CDC42SE2: variants seen among roughly 807,000 people sequenced by gnomAD.
The protein encoded by CDC42SE2 is CDC42 small effector protein 2.
CDC42SE2 carries 3 observed loss-of-function variants against 11.5 expected under a neutral mutation model. The ratio of observed to expected loss-of-function variants is 0.26; its 90% CI spans 0.12 to 0.67. CDC42SE2 has a LOEUF of 0.67. CDC42SE2 is among the 30% of genes least tolerant of loss of function. The probability of loss-of-function intolerance (pLI) is 0.80; values close to 1 mark genes in which losing one functional copy is unlikely to be tolerated. For synonymous variants in CDC42SE2, 33 were observed against 34.8 expected (o/e 0.95, Z 0.18); for missense variants, 82 against 106.8 (o/e 0.77, Z 1.02).
intron 1 of CDC42SE2, among the ~76,000 whole-genome samples, chr5:131,274,286 AT>A (rs1757056139): frequency 1.3e-5 from 2 of 152,104 alleles, no homozygotes; most frequent in Admixed American, 6.6e-5. Flanking sequence ...ATCCTATTAA[AT>A]GTCAACTCCA....
intron 2 of CDC42SE2, among the ~76,000 whole-genome samples, chr5:131,338,715 G>C (rs1484401185): frequency 2.6e-5 from 4 of 152,204 alleles, no homozygotes; most frequent in Non-Finnish European, 4.4e-5. Flanking sequence ...TAGAGATACT[G>C]AGCGGAGGGA....
intron 1 of CDC42SE2, among the ~76,000 whole-genome samples, chr5:131,312,525 G>T (rs572293610): frequency 1.3e-5 from 2 of 152,294 alleles, no homozygotes; most frequent in South Asian, 4.2e-4. Context: ...AATGGTGGGT[G>T]CCCCTCCCCC....
At position 131,392,687 on chromosome 5, in the gene CDC42SE2, C is replaced by T. The variant is rs756910309; in HGVS notation, c.*1596C>T. ...ATCTGAGTGTTGCGGTCATACTCTCCTCCAGTCCAATCCTGAGCATCTTCA... is the reference window on the plus strand; with the variant it reads ...ATCTGAGTGTTGCGGTCATACTCTCTTCCAGTCCAATCCTGAGCATCTTCA... On this transcript the variant is annotated 3_prime_UTR_variant, in exon 5 of 5. Transcript: ENST00000505065. 5 of 152,316 alleles carry T rather than the reference C, an allele frequency of 3.3e-5. No homozygotes were observed. Among genetic ancestry groups the T allele is most frequent in the Non-Finnish European group, 7.3e-5 (5 of 68,036 alleles). 9.4% of individuals were successfully genotyped at this position (152,316 alleles called of 1,614,324 possible). A position where few individuals can be genotyped will look rare whatever the true frequency, so the allele number is the denominator to read the frequency against.
At chr5:131,284,395 A>G (rs930010272) in intron 1 of CDC42SE2, among the ~76,000 whole-genome samples, 14 of 152,226 alleles carry the variant, frequency 9.2e-5, no homozygotes, top group Non-Finnish European at 1.9e-4. Context: ...AAGGAAAACA[A>G]TTGTTAGAGT....
chr5:131,350,648 T>TAC (rs1758985958), intron 2 of CDC42SE2, among the ~76,000 whole-genome samples: 1 of 151,492 alleles, frequency 6.6e-6, no homozygotes, highest in Non-Finnish European at 1.5e-5. Flanking sequence ...TATATATATA[T>TAC]GTATATATAA....
chr5:131,248,081 A>G lies in CDC42SE2; in HGVS notation n.107+2482A>G, dbSNP rs184710841. Among the ~76,000 whole-genome samples, 29 of 152,278 alleles carry G rather than the reference A, an allele frequency of 1.9e-4. No individual in the cohort carries two copies. In the East Asian group the frequency reaches 5.4e-3, roughly 28 times the overall value. On this transcript the variant is annotated intron_variant and non_coding_transcript_variant, in intron 1 of 3. Coordinates refer to the CDC42SE2 transcript ENST00000502840. Reference sequence around the variant, plus strand: ...CTTGATTAAGAGTATCTATACTAGAAAATCTAAAGAAACATCCTTCTAAAT... The same window carrying G: ...CTTGATTAAGAGTATCTATACTAGAGAATCTAAAGAAACATCCTTCTAAAT...
chr5:131,317,648 G>A (rs531914492), intron 2 of CDC42SE2, among the ~76,000 whole-genome samples: 1 of 151,510 alleles, frequency 6.6e-6, no homozygotes, highest in Non-Finnish European at 1.5e-5. Flanking sequence ...CCTGGCTCTA[G>A]ATATAAATGT....
intron 1 of CDC42SE2, among the ~76,000 whole-genome samples, chr5:131,278,223 G>A (rs1435657086): frequency 1.3e-5 from 2 of 152,090 alleles, no homozygotes; most frequent in African/African-American, 4.8e-5. Flanking sequence ...CCACATTTGG[G>A]AGATCCCGCC....
At chr5:131,241,522 A>G (rs1380233548), upstream of CDC42SE2, among the ~76,000 whole-genome samples, 1 of 152,132 alleles carries the variant, frequency 6.6e-6, no homozygotes, top group African/African-American at 2.4e-5. Flanking sequence ...TTAACTTTGT[A>G]TAAAAGTCAA....
intron 1 of CDC42SE2, among the ~76,000 whole-genome samples, chr5:131,271,518 T>C (rs1015182787): frequency 6.6e-6 from 1 of 152,230 alleles, no homozygotes; most frequent in Admixed American, 6.5e-5. Context: ...CTAGGTTATA[T>C]GCAAATACTG....
intron 1 of CDC42SE2, among the ~76,000 whole-genome samples, chr5:131,287,252 C>T (rs1757360357): frequency 6.6e-6 from 1 of 152,280 alleles, no homozygotes; most frequent in East Asian, 1.9e-4. Context: ...GCCTTGGCCT[C>T]CCAAAGTGCT....
the CDC42SE2 span, among the ~76,000 whole-genome samples, chr5:131,229,182 T>TGC: frequency 6.6e-6 from 1 of 152,076 alleles, no homozygotes; most frequent in African/African-American, 2.4e-5. Context: ...TGTGTGTGTG[T>TGC]GTATGTGTGT....
chr5:131,319,963 A>G (rs1452935800), intron 2 of CDC42SE2, among the ~76,000 whole-genome samples: 1 of 146,334 alleles, frequency 6.8e-6, no homozygotes, highest in Non-Finnish European at 1.5e-5. Context: ...AGGCAGAAGA[A>G]TGGCGTGAAC....
intron 3 of CDC42SE2, among the ~76,000 whole-genome samples, chr5:131,377,859 A>G (rs1487475338): frequency 6.6e-6 from 1 of 152,228 alleles, no homozygotes; most frequent in Admixed American, 6.5e-5. Flanking sequence ...ACATCTTCCA[A>G]ATATAATAGG....
At chr5:131,390,927 A>G in intron 4 of CDC42SE2, 66 bp from the exon 5 acceptor site, 1 of 999,652 alleles carries the variant, frequency 1.0e-6, no homozygotes. Context: ...GAAAAGAATT[A>G]CTTAGTTGCA....
chr5:131,220,297 C>A, the CDC42SE2 span, among the ~76,000 whole-genome samples: 730 of 152,266 alleles, frequency 4.8e-3, 6 homozygotes, highest in African/African-American at 0.017. Context: ...ACCTCCGTCT[C>A]CCGGTTCAAG....
chr5:131,250,148 C>T (rs919586833), intron 1 of CDC42SE2, among the ~76,000 whole-genome samples: 16 of 152,200 alleles, frequency 1.1e-4, no homozygotes, highest in Non-Finnish European at 7.3e-5. Context: ...AACTCTTGCA[C>T]ATATACAACA....
intron 1 of CDC42SE2, among the ~76,000 whole-genome samples, chr5:131,312,159 A>G (rs1420701189): frequency 5.9e-5 from 9 of 151,522 alleles, no homozygotes; most frequent in African/African-American, 2.2e-4. Flanking sequence ...TTTTCCTTCT[A>G]ACAGACAGGA....
intron 2 of CDC42SE2, among the ~76,000 whole-genome samples, chr5:131,347,745 C>T (rs577980805): frequency 2.5e-4 from 38 of 152,264 alleles, no homozygotes; most frequent in African/African-American, 7.9e-4. Context: ...ATGCAAAAAT[C>T]CTCAATAAAA....
Sources: allele counts gnomAD v4.1 joint callset (sites outside exome capture counted in the v4.1 genomes callset), GRCh38; gene constraint gnomAD v4.1.1; transcripts MANE v1.5; gene names NCBI Gene and HGNC (gene_info 2026-07-23, HGNC 2026-07-21).